CATSPERB: variants seen among roughly 807,000 people sequenced by gnomAD.
The protein encoded by CATSPERB is cation channel sperm-associated auxiliary subunit beta.
In CATSPERB, 93 loss-of-function variants were observed where a neutral mutation model predicts 128.3. The observed-to-expected ratio is 0.72, with a 90% confidence interval of 0.61 to 0.86. CATSPERB has a LOEUF of 0.86. Ranked by LOEUF, CATSPERB falls within the 40% of genes least tolerant of loss-of-function variation. The probability of loss-of-function intolerance (pLI) is 0.00; values close to 1 mark genes in which losing one functional copy is unlikely to be tolerated. For synonymous variants in CATSPERB, 381 were observed against 448.8 expected, an observed-to-expected ratio of 0.85 and a Z score of 1.91; for missense variants, 1,153 against 1,329.5, an observed-to-expected ratio of 0.87 and a Z score of 2.06.
At chr14:91,627,256 A>C (rs1391996370) in intron 17 of CATSPERB, among the ~76,000 whole-genome samples, 1 of 152,228 alleles carries the variant, frequency 6.6e-6, no homozygotes, top group Admixed American at 6.5e-5. Flanking sequence ...CAAGAGAATT[A>C]GAAGACAAGC....
intron 5 of CATSPERB, chr14:91,709,490 C>T (rs1895794110): frequency 1.5e-5 from 2 of 136,906 alleles, no homozygotes; most frequent in Non-Finnish European, 3.1e-5. Context: ...ACCATCCTGG[C>T]TATCATGGTG....
Position 91,693,462 on chromosome 14 carries a change from T to G in CATSPERB, c.634A>C (p.Thr212Pro), listed in dbSNP as rs756646908. ...TIVDGVYIGI[T>P]FGGFWHDYDT... ...TAATCATGCCAGAATCCACCAAAGG[T>G]TATGCCTATGTAAACACCTACCATG... The change falls in exon 8 of 27, where the codon ACC (threonine) becomes CCC (proline). Residue 212 changes from threonine (T) to proline (P), a missense_variant. Coordinates refer to ENST00000256343, the MANE Select transcript of CATSPERB (RefSeq NM_024764.4). 6.2e-7 allele frequency: 1 copy of G among 1,613,848 alleles called. No individual in the cohort carries two copies. The highest frequency in any genetic ancestry group is 1.1e-5 in the South Asian group (1 of 91,048).
At chr14:91,705,708 G>A (rs928977970) in intron 6 of CATSPERB, among the ~76,000 whole-genome samples, 6 of 152,130 alleles carry the variant, frequency 3.9e-5, no homozygotes, top group Non-Finnish European at 8.8e-5. Context: ...CTTCCATGAC[G>A]CCCTAGAATG....
At chr14:91,626,724 A>G (rs1704666) in intron 17 of CATSPERB, among the ~76,000 whole-genome samples, 112,930 of 151,922 alleles carry the variant, frequency 0.74, 42,502 homozygotes, top group East Asian at 0.97. Flanking sequence ...TGGATTTCCC[A>G]CCCTCCAGAA....
chr14:91,598,828 A>C (rs1893557108), intron 22 of CATSPERB, among the ~76,000 whole-genome samples: 1 of 136,178 alleles, frequency 7.3e-6, no homozygotes, highest in South Asian at 2.4e-4. Context: ...ACTGCACTCC[A>C]GCCTGGGCAA....
At chr14:91,605,106 G>A (rs1893676332) in intron 22 of CATSPERB, 1 of 1,257,300 alleles carries the variant, frequency 8.0e-7, no homozygotes, top group Non-Finnish European at 1.2e-6. Context: ...TTGCCTTTGG[G>A]AGGGGTGGAA....
intron 15 of CATSPERB, among the ~76,000 whole-genome samples, chr14:91,656,943 C>A (rs1743100): frequency 0.19 from 29,490 of 151,858 alleles, 3,065 homozygotes; most frequent in African/African-American, 0.25. Context: ...ATAAAGGGGT[C>A]AATTCAGCAA....
chr14:91,636,628 A>G, intron 16 of CATSPERB, 49 bp from the exon 17 acceptor site: 4 of 1,456,550 alleles, frequency 2.7e-6, no homozygotes, highest in Non-Finnish European at 3.7e-6. Context: ...TTTATACTTC[A>G]ATTATGACAA....
At chr14:91,588,915 T>C (rs900889428) in intron 24 of CATSPERB, among the ~76,000 whole-genome samples, 3 of 152,218 alleles carry the variant, frequency 2.0e-5, no homozygotes, top group African/African-American at 7.2e-5. Flanking sequence ...ACCAAGTGCC[T>C]GGATATTTAG....
At position 91,673,868 on chromosome 14, in the gene CATSPERB, C is replaced by T. The variant is rs145758865; in HGVS notation, c.978+308G>A. Among the ~76,000 whole-genome samples the T allele has an allele frequency of 9.5e-3, 1,375 of 144,714 alleles. 16 individuals carry two copies. The highest frequency in any genetic ancestry group is 0.051 in the Middle Eastern group (14 of 272). 94.9% of individuals were successfully genotyped at this position (144,714 alleles called of 152,430 possible). A position where few individuals can be genotyped will look rare whatever the true frequency, so the allele number is the denominator to read the frequency against. On this transcript the variant is annotated intron_variant, in intron 12 of 26. Transcript: ENST00000256343. ...ACTGCGCTCCAGCCTGGAGACAGAGCGAGACTCTGTCTCAAAAAAAAAAAA... is the reference window on the plus strand; with the variant it reads ...ACTGCGCTCCAGCCTGGAGACAGAGTGAGACTCTGTCTCAAAAAAAAAAAA...
intron 4 of CATSPERB, among the ~76,000 whole-genome samples, chr14:91,720,046 T>C (rs1021584967): frequency 1.3e-5 from 2 of 152,286 alleles, no homozygotes; most frequent in East Asian, 3.9e-4. Context: ...CTTAGAGACG[T>C]GTGGTACAAT....
chr14:91,667,061 C>A (rs927300365), intron 14 of CATSPERB, among the ~76,000 whole-genome samples: 1 of 152,212 alleles, frequency 6.6e-6, no homozygotes, highest in Non-Finnish European at 1.5e-5. Context: ...GGCCAGCGCC[C>A]AGTTAGCAGA....
In CATSPERB at chr14:91,636,474, A is replaced by G. The variant is rs200123351; in HGVS notation, c.1693T>C (p.Tyr565His). 1 of 1,614,178 alleles carries G rather than the reference A, an allele frequency of 6.2e-7. No individual in the cohort carries two copies. The highest frequency in any genetic ancestry group is 2.2e-5 in the East Asian group (1 of 44,888). Residue 565 changes from tyrosine to histidine, a missense_variant, in exon 17 of 27, where the codon TAC becomes CAC. Tyr to His is a moderately conservative substitution (Grantham distance 83). Coordinates refer to ENST00000256343, the MANE Select transcript of CATSPERB (RefSeq NM_024764.4). ...VPENEPQETI[Y>H]SKKFGNIHYG... is the part of the protein sequence containing the mutation. ...TGTATATTGCCGAACTTCTTGCTGT[A>G]GATCGTTTCCTGGGGTTCGTTCTCA... is the stretch of plus-strand genomic sequence containing the variant.
intron 4 of CATSPERB, among the ~76,000 whole-genome samples, chr14:91,721,848 T>C (rs1302591565): frequency 8.9e-6 from 1 of 112,302 alleles, no homozygotes; most frequent in Non-Finnish European, 1.9e-5. Context: ...AGACTCTGTC[T>C]AAAAAAAAAA....
chr14:91,586,859 C>A (rs1185062107), intron 26 of CATSPERB, among the ~76,000 whole-genome samples: 1 of 152,100 alleles, frequency 6.6e-6, no homozygotes, highest in African/African-American at 2.4e-5. Context: ...TAAAAAGTTA[C>A]AGAAATATGT....
chr14:91,635,785 C>T (rs2139801979), intron 17 of CATSPERB: 1 of 152,264 alleles, frequency 6.6e-6, no homozygotes, highest in East Asian at 1.9e-4. Flanking sequence ...AGATAGCCTC[C>T]ACTACATTAA....
At chr14:91,608,473 T>C in intron 21 of CATSPERB, 69 bp from the exon 22 acceptor site, 1 of 969,690 alleles carries the variant, frequency 1.0e-6, no homozygotes, top group Admixed American at 2.7e-5. Context: ...AGATCTTGAC[T>C]TTCTAGAAAA....
chr14:91,702,056 A>AGAGGTT (rs1468225941), intron 7 of CATSPERB, among the ~76,000 whole-genome samples: 2 of 152,026 alleles, frequency 1.3e-5, no homozygotes, highest in Non-Finnish European at 2.9e-5. Flanking sequence ...TGTTTTCTTG[A>AGAGGTT]GAGGTTGAGG....
chr14:91,605,537 T>C (rs1219385029), intron 22 of CATSPERB, among the ~76,000 whole-genome samples: 1 of 152,182 alleles, frequency 6.6e-6, no homozygotes, highest in African/African-American at 2.4e-5. Flanking sequence ...TAGGATAAAA[T>C]TTGAAATCAT....
Sources: allele counts gnomAD v4.1 joint callset (sites outside exome capture counted in the v4.1 genomes callset), GRCh38; gene constraint gnomAD v4.1.1; transcripts MANE v1.5; gene names NCBI Gene and HGNC (gene_info 2026-07-23, HGNC 2026-07-21).